The following SYT13 variants were observed in gnomAD, a reference collection of about 807,000 sequenced individuals.
SYT13 encodes the protein synaptotagmin-13.
In SYT13, 21 loss-of-function variants were observed where a neutral mutation model predicts 38.6. The observed-to-expected ratio is 0.54, with a 90% confidence interval of 0.39 to 0.78. SYT13 has a LOEUF of 0.78. SYT13 is among the 30% of genes least tolerant of loss of function. The pLI, the probability that SYT13 is intolerant of heterozygous loss-of-function variation, is 0.00. For synonymous variants in SYT13, 241 were observed against 237.6 expected, an observed-to-expected ratio of 1.01 and a Z score of -0.13; for missense variants, 495 against 548.7, an observed-to-expected ratio of 0.90 and a Z score of 0.98.
At position 45,243,831 on chromosome 11, in the gene SYT13, A is replaced by G; in HGVS notation, c.*221T>C. The G allele has an allele frequency of 1.8e-6, 1 of 546,834 alleles. No individual in the cohort carries two copies. Among genetic ancestry groups the G allele is most frequent in the Non-Finnish European group, 3.2e-6 (1 of 313,118 alleles). The allele number at this position is 546,834 out of a possible 1,614,324, so 33.9% of individuals were successfully genotyped here. On this transcript the variant is annotated 3_prime_UTR_variant, in exon 6 of 6. Coordinates refer to ENST00000020926, the MANE Select transcript of SYT13 (RefSeq NM_020826.3). ...TTTAATAAGCACCTCCTTCAATAAC[A>G]CAGATGAGCAAAATGCATTCCTCAG...
intron 1 of SYT13, among the ~76,000 whole-genome samples, chr11:45,256,124 G>A (rs1854744066): frequency 6.6e-6 from 1 of 152,000 alleles, no homozygotes; most frequent in Admixed American, 6.6e-5. Flanking sequence ...CCATCCATCG[G>A]CCCATCCATC....
chr11:45,248,460 A>C (rs1245239280), intron 4 of SYT13, among the ~76,000 whole-genome samples: 10 of 152,244 alleles, frequency 6.6e-5, no homozygotes, highest in Admixed American at 6.5e-4. Context: ...GAAAGGGAAC[A>C]TCATTGCCAG....
chr11:45,266,245 C>T (rs1854879885), intron 1 of SYT13, among the ~76,000 whole-genome samples: 1 of 152,102 alleles, frequency 6.6e-6, no homozygotes, highest in Non-Finnish European at 1.5e-5. Flanking sequence ...ACCAGTATTT[C>T]TCAAACTTTC....
At chr11:45,261,831 G>A (rs1854820596) in intron 1 of SYT13, among the ~76,000 whole-genome samples, 1 of 150,870 alleles carries the variant, frequency 6.6e-6, no homozygotes, top group South Asian at 2.1e-4. Flanking sequence ...CAGGAGAATC[G>A]CTTGAACCCG....
intron 1 of SYT13, among the ~76,000 whole-genome samples, chr11:45,261,888 C>T (rs1854821396): frequency 6.6e-6 from 1 of 150,544 alleles, no homozygotes; most frequent in South Asian, 2.1e-4. Flanking sequence ...TGCACTCCAG[C>T]CTAGGTGACA....
intron 1 of SYT13, among the ~76,000 whole-genome samples, chr11:45,268,637 A>G (rs1241409900): frequency 6.6e-6 from 1 of 152,184 alleles, no homozygotes; most frequent in Non-Finnish European, 1.5e-5. Context: ...CTGAAGTCAC[A>G]TGGTTAATAA....
intron 5 of SYT13, among the ~76,000 whole-genome samples, chr11:45,245,697 G>A (rs1854606078): frequency 6.6e-6 from 1 of 152,222 alleles, no homozygotes; most frequent in Non-Finnish European, 1.5e-5. Context: ...TCTCCGAGAT[G>A]CTGGACCTGG....
chr11:45,250,097 T>G (rs959917099), intron 4 of SYT13, among the ~76,000 whole-genome samples: 2 of 152,164 alleles, frequency 1.3e-5, no homozygotes, highest in African/African-American at 4.8e-5. Context: ...GCCCACACCC[T>G]CTAGCTGGGG....
chr11:45,269,311 A>C, intron 1 of SYT13: 3 of 592,398 alleles, frequency 5.1e-6, no homozygotes, highest in Non-Finnish European at 7.2e-6. Context: ...TAAATTTTAA[A>C]ACAATTATTA....
At chr11:45,280,349 G>A (rs931237468) in intron 1 of SYT13, among the ~76,000 whole-genome samples, 7 of 151,968 alleles carry the variant, frequency 4.6e-5, no homozygotes, top group Admixed American at 6.6e-5. Flanking sequence ...AAACAGGGCC[G>A]AAGAAGCAAT....
At chr11:45,245,124 G>A (rs184424881) in intron 5 of SYT13, among the ~76,000 whole-genome samples, 1 of 152,268 alleles carries the variant, frequency 6.6e-6, no homozygotes, top group African/African-American at 2.4e-5. Flanking sequence ...TGTGGAAGAG[G>A]GATGAAGGCA....
intron 1 of SYT13, among the ~76,000 whole-genome samples, chr11:45,256,290 CA>C (rs1419699399): frequency 6.6e-6 from 1 of 152,172 alleles, no homozygotes; most frequent in Admixed American, 6.5e-5. Context: ...TCCCACCACA[CA>C]AAATCCAGAC....
chr11:45,260,395 GA>G (rs1854800215), intron 1 of SYT13, among the ~76,000 whole-genome samples: 1 of 152,206 alleles, frequency 6.6e-6, no homozygotes, highest in Admixed American at 6.5e-5. Flanking sequence ...TTAAATAGCT[GA>G]AACTTCAGTG....
chr11:45,262,969 T>C (rs1343784314), intron 1 of SYT13, among the ~76,000 whole-genome samples: 1 of 152,182 alleles, frequency 6.6e-6, no homozygotes, highest in Non-Finnish European at 1.5e-5. Context: ...TTTTGGAAGA[T>C]GACCCCTGGA....
intron 1 of SYT13, among the ~76,000 whole-genome samples, chr11:45,262,413 C>T (rs557438903): frequency 2.6e-5 from 4 of 152,084 alleles, no homozygotes; most frequent in Non-Finnish European, 5.9e-5. Flanking sequence ...GTTTGTACAA[C>T]ATCCTGAATG....
At chr11:45,280,933 G>A (rs890218305) in intron 1 of SYT13, among the ~76,000 whole-genome samples, 7 of 152,216 alleles carry the variant, frequency 4.6e-5, no homozygotes, top group African/African-American at 1.4e-4. Flanking sequence ...GCTGGCTCAC[G>A]CCTGTAATCC....
intron 1 of SYT13, among the ~76,000 whole-genome samples, chr11:45,278,445 C>T (rs1263284167): frequency 6.6e-6 from 1 of 152,114 alleles, no homozygotes; most frequent in Non-Finnish European, 1.5e-5. Context: ...TCTGATGCTT[C>T]CCTCTCCTGC....
In SYT13 at chr11:45,255,790, G is replaced by A; in HGVS notation, c.285C>T (p.Ile95=). The A allele has an allele frequency of 6.2e-7, 1 of 1,614,216 alleles. No homozygotes were observed. The highest frequency in any genetic ancestry group is 8.5e-7 in the Non-Finnish European group (1 of 1,180,046). Residue 95 remains isoleucine (I), a synonymous_variant, in exon 2 of 6, where the codon ATC becomes ATT. Transcript: ENST00000020926. ...PRPAVTAPEV[I]NYADYSLRST... ...ACCTCAGTGAATAGTCTGCATAGTT[G>A]ATGACCTCTGGAGCCGTCACAGCTG...
intron 1 of SYT13, among the ~76,000 whole-genome samples, chr11:45,271,780 GGGGGAACCATGTGCT>G (rs1854952731): frequency 6.6e-6 from 1 of 152,150 alleles, no homozygotes; most frequent in African/African-American, 2.4e-5. Flanking sequence ...AACCCAGGTT[GGGGGAACCATGTGCT>G]GGGGAAAGGG....
Sources: allele counts gnomAD v4.1 joint callset (sites outside exome capture counted in the v4.1 genomes callset), GRCh38; gene constraint gnomAD v4.1.1; transcripts MANE v1.5; gene names NCBI Gene and HGNC (gene_info 2026-07-23, HGNC 2026-07-21).